Variants in PCP4 observed in about 807,000 individuals in gnomAD.
The protein encoded by PCP4 is Purkinje cell protein 4, also known as calmodulin regulator protein PCP4.
Under a neutral mutation model 10.0 loss-of-function variants are expected in PCP4, and 8 were observed. That is an observed-to-expected ratio of 0.80 (90% CI 0.47 to 1.45). The LOEUF is 1.45. Ranked by LOEUF, PCP4 falls within the 40% of genes most tolerant of loss-of-function variation. The pLI is 0.00. For synonymous variants in PCP4, 21 were observed against 23.0 expected (o/e 0.91, Z 0.24); for missense variants, 54 against 74.4 (o/e 0.73, Z 1.01).
At chr21:39,928,865 A>G in intron 2 of PCP4, 119 bp from the exon 3 acceptor site, 2 of 918,820 alleles carry the variant, frequency 2.2e-6, no homozygotes, top group Non-Finnish European at 3.4e-6. Context: ...CTGGGGTGTA[A>G]GTTAAGCCCC....
intron 2 of PCP4, chr21:39,916,308 AG>A (rs1040124732): frequency 1.3e-5 from 2 of 152,236 alleles, no homozygotes; most frequent in African/African-American, 4.8e-5. Flanking sequence ...GATCTCTAAA[AG>A]CACAAGATTA....
At chr21:39,916,649 A>G (rs1432794692) in intron 2 of PCP4, among the ~76,000 whole-genome samples, 2 of 152,214 alleles carry the variant, frequency 1.3e-5, no homozygotes, top group Non-Finnish European at 2.9e-5. Context: ...TTCTATTACA[A>G]AGACACAAGC....
At chr21:39,867,592 G>A (rs1199305955) in intron 1 of PCP4, 82 bp downstream of exon 1, 21 of 1,332,128 alleles carry the variant, frequency 1.6e-5, no homozygotes, top group Non-Finnish European at 2.2e-5. Context: ...GGAAATGTGA[G>A]GGACTTAGCA....
chr21:39,892,764 T>A (rs555868701), intron 1 of PCP4, among the ~76,000 whole-genome samples: 1 of 152,282 alleles, frequency 6.6e-6, no homozygotes, highest in East Asian at 1.9e-4. Flanking sequence ...TTATTGACTA[T>A]CGTCACCCTG....
At position 39,906,374 on chromosome 21, in the gene PCP4, A is replaced by G. The variant is rs1411986354; in HGVS notation, c.61+7847A>G. Reference sequence around the variant, plus strand: ...AAACTATTGTATCCATAGTACCATTATCCCATCAGTTTAGTTAACTAGCCT... The same window carrying G: ...AAACTATTGTATCCATAGTACCATTGTCCCATCAGTTTAGTTAACTAGCCT... On this transcript the variant is annotated intron_variant, in intron 2 of 2. Coordinates refer to ENST00000328619, the MANE Select transcript of PCP4 (RefSeq NM_006198.3). The surrounding 1 kb of genome is among the most constrained non-coding windows in gnomAD (Gnocchi z 6.3). 2.6e-5 allele frequency among the ~76,000 whole-genome samples: 4 copies of G among 152,236 alleles called. No homozygotes were observed. The highest frequency in any genetic ancestry group is 9.6e-5 in the African/African-American group (4 of 41,460).
At chr21:39,928,684 C>T in intron 2 of PCP4, among the ~76,000 whole-genome samples, 1 of 152,090 alleles carries the variant, frequency 6.6e-6, no homozygotes, top group African/African-American at 2.4e-5. Flanking sequence ...AACAGCACAG[C>T]CAGTATTAAA....
intron 1 of PCP4, among the ~76,000 whole-genome samples, chr21:39,896,366 C>G (rs1186326899): frequency 6.6e-5 from 10 of 152,222 alleles, no homozygotes; most frequent in Admixed American, 6.5e-4. Flanking sequence ...AGAGTTTAAT[C>G]ACCTGAGGTG....
chr21:39,927,232 A>G (rs2087626029), intron 2 of PCP4, among the ~76,000 whole-genome samples: 1 of 149,234 alleles, frequency 6.7e-6, no homozygotes, highest in South Asian at 2.1e-4. Flanking sequence ...TTACCTGTCT[A>G]TCTGTATTTG....
chr21:39,877,699 AACAAAAACAAAT>A (rs960736670), intron 1 of PCP4, among the ~76,000 whole-genome samples: 2 of 152,086 alleles, frequency 1.3e-5, no homozygotes, highest in African/African-American at 4.8e-5. Context: ...CCTGCCTCAA[AACAAAAACAAAT>A]ACAAAAACAA....
chr21:39,870,553 C>A (rs1017845507), intron 1 of PCP4, among the ~76,000 whole-genome samples: 2 of 152,112 alleles, frequency 1.3e-5, no homozygotes, highest in African/African-American at 4.8e-5. Flanking sequence ...CTTCATAGAG[C>A]TTTTGAAAAA....
intron 1 of PCP4, among the ~76,000 whole-genome samples, chr21:39,887,646 C>T (rs1362852231): frequency 2.6e-5 from 4 of 152,174 alleles, no homozygotes; most frequent in African/African-American, 4.8e-5. Flanking sequence ...GAGGTGGCCT[C>T]AAGCAGTCTT....
At chr21:39,897,278 C>G (rs901151456) in intron 1 of PCP4, among the ~76,000 whole-genome samples, 1 of 151,362 alleles carries the variant, frequency 6.6e-6, no homozygotes, top group African/African-American at 2.4e-5. Flanking sequence ...ATCCCAGCTA[C>G]TCTGTAGGCT....
chr21:39,911,112 C>T (rs73904606), intron 2 of PCP4, among the ~76,000 whole-genome samples: 2 of 151,956 alleles, frequency 1.3e-5, no homozygotes, highest in East Asian at 3.9e-4. Context: ...GGATATCGCA[C>T]ATGAGTCCAC....
chr21:39,869,836 C>A (rs994893788), intron 1 of PCP4, among the ~76,000 whole-genome samples: 1 of 152,216 alleles, frequency 6.6e-6, no homozygotes, highest in Non-Finnish European at 1.5e-5. Flanking sequence ...AACTCTCAGG[C>A]AGAAATGGCT....
At chr21:39,890,535 T>A (rs147158777) in intron 1 of PCP4, among the ~76,000 whole-genome samples, 2,415 of 146,654 alleles carry the variant, frequency 0.016, 13 homozygotes, top group Middle Eastern at 0.031. Context: ...TTTTTTTTTT[T>A]AATTTTCATT....
chr21:39,887,842 G>C (rs1294153351), intron 1 of PCP4, among the ~76,000 whole-genome samples: 1 of 152,178 alleles, frequency 6.6e-6, no homozygotes, highest in Non-Finnish European at 1.5e-5. Context: ...TTCAGAGAAA[G>C]CAGACAAGAA....
chr21:39,881,016 A>G (rs774502604), intron 1 of PCP4, among the ~76,000 whole-genome samples: 5 of 151,388 alleles, frequency 3.3e-5, no homozygotes, highest in Non-Finnish European at 7.4e-5. Context: ...TGTGCATTTT[A>G]TTTTTTTTTG....
intron 1 of PCP4, among the ~76,000 whole-genome samples, chr21:39,873,325 G>T (rs1419524562): frequency 4.6e-5 from 7 of 152,048 alleles, no homozygotes; most frequent in Non-Finnish European, 8.8e-5. Context: ...TAAACATCTA[G>T]CACGCGGAAA....
intron 2 of PCP4, among the ~76,000 whole-genome samples, chr21:39,923,877 A>G (rs2087608707): frequency 6.6e-6 from 1 of 152,208 alleles, no homozygotes; most frequent in South Asian, 2.1e-4. Flanking sequence ...CTCGTAGCTA[A>G]GGAGAATGTC....
Sources: allele counts gnomAD v4.1 joint callset (sites outside exome capture counted in the v4.1 genomes callset), GRCh38; gene constraint gnomAD v4.1.1; non-coding constraint Gnocchi (gnomAD v3.1); transcripts MANE v1.5; gene names NCBI Gene and HGNC (gene_info 2026-07-23, HGNC 2026-07-21).